DIS3L2: variants seen among roughly 807,000 people sequenced by gnomAD.
DIS3L2 encodes DIS3 like 3'-5' exoribonuclease 2.
Under a neutral mutation model 97.5 loss-of-function variants are expected in DIS3L2, and 34 were observed. The ratio of observed to expected loss-of-function variants is 0.35; its 90% CI spans 0.27 to 0.46. The LOEUF is 0.46. Among genes scored for constraint, DIS3L2 ranks in the 20% least tolerant of loss-of-function variants. The pLI is 1.00. For missense variants in DIS3L2, 1,038 were observed against 1,146.0 expected (o/e 0.91, Z 1.36); for synonymous variants, 435 against 445.2 (o/e 0.98, Z 0.29).
chr2:232,166,072 C>CAATAAATAAATAAATAAATA (rs111484613), intron 9 of DIS3L2, among the ~76,000 whole-genome samples: 10 of 138,136 alleles, frequency 7.2e-5, no homozygotes, highest in East Asian at 6.5e-4. Flanking sequence ...CCTGTCTCTA[C>CAATAAATAAATAAATAAATA]AATAAATAAA....
At chr2:231,997,007 A>G (rs185421532) in intron 1 of DIS3L2, among the ~76,000 whole-genome samples, 1 of 152,166 alleles carries the variant, frequency 6.6e-6, no homozygotes, top group East Asian at 1.9e-4. Context: ...GCTCTGTGTC[A>G]CTGCCTGTGT....
At chr2:232,054,462 C>G (rs778104904) in intron 5 of DIS3L2, among the ~76,000 whole-genome samples, 14 of 152,090 alleles carry the variant, frequency 9.2e-5, no homozygotes, top group Non-Finnish European at 1.6e-4. Context: ...TGATTTTTAC[C>G]TTTTTCTAAT....
chr2:232,009,166 T>C lies in DIS3L2; in HGVS notation c.-93-5669T>C, dbSNP rs1469741083. On this transcript the variant is annotated intron_variant, in intron 1 of 20. Coordinates refer to ENST00000325385, the MANE Select transcript of DIS3L2 (RefSeq NM_152383.5). ...TCTAGTTCTTTGAACATATTTATAA[T>C]AGCTGCTTTGAAGTCCTATTGTCTA... 2.6e-5 allele frequency among the ~76,000 whole-genome samples: 4 copies of C among 152,328 alleles called. No individual in the cohort carries two copies. The South Asian group carries it at 8.3e-4, about 32-fold the overall frequency.
intron 8 of DIS3L2, among the ~76,000 whole-genome samples, chr2:232,148,340 C>A (rs547689004): frequency 6.6e-6 from 1 of 152,238 alleles, no homozygotes; most frequent in Middle Eastern, 3.4e-3. Flanking sequence ...AGCCACCGCA[C>A]CCGGCCAAGA....
intron 9 of DIS3L2, among the ~76,000 whole-genome samples, chr2:232,166,670 C>A (rs1297022907): frequency 2.6e-5 from 4 of 151,986 alleles, no homozygotes. Flanking sequence ...GAGCCAAGAT[C>A]GCACCACTGC....
At chr2:232,056,366 A>AAACAACAAC (rs147366104) in intron 5 of DIS3L2, among the ~76,000 whole-genome samples, 2 of 149,152 alleles carry the variant, frequency 1.3e-5, no homozygotes, top group African/African-American at 4.9e-5. Flanking sequence ...CTCCATCTCA[A>AAACAACAAC]AACAACAACA....
intron 1 of DIS3L2, among the ~76,000 whole-genome samples, chr2:231,993,851 A>C (rs954098789): frequency 2.0e-5 from 3 of 151,222 alleles, no homozygotes; most frequent in African/African-American, 4.9e-5. Context: ...GTTGTCATTC[A>C]TCTATGTCAA....
At chr2:232,042,542 A>G (rs1559566081) in intron 5 of DIS3L2, among the ~76,000 whole-genome samples, 1 of 152,188 alleles carries the variant, frequency 6.6e-6, no homozygotes, top group East Asian at 1.9e-4. Flanking sequence ...GGTAAGGTAT[A>G]TCCACTAACA....
rs888299546 is a variant in DIS3L2 at position 232,273,151 on chromosome 2, A to G, written c.1659+9711A>G. ...AAGTTCACATTTGTTTTTCCTAGGC[A>G]GGGCCAGCCCATCCACCCCTCCTTC... On this transcript the variant is annotated intron_variant, in intron 13 of 20. Transcript: ENST00000325385. Among the ~76,000 whole-genome samples, 5 of 152,158 alleles carry G rather than the reference A, an allele frequency of 3.3e-5. No homozygotes were observed. The South Asian group carries it at 1.0e-3, about 31-fold the overall frequency.
At chr2:232,015,792 C>T in intron 3 of DIS3L2, 121 bp downstream of exon 3, 1 of 1,151,804 alleles carries the variant, frequency 8.7e-7, no homozygotes, top group East Asian at 2.4e-5. Context: ...AGGTGCAGGG[C>T]TGTTATGATG....
Position 232,022,304 on chromosome 2 carries a change from G to C in DIS3L2, c.211-1973G>C, listed in dbSNP as rs746410901. Among the ~76,000 whole-genome samples the C allele has an allele frequency of 7.4e-4, 112 of 152,242 alleles. 1 individual carries two copies. Among genetic ancestry groups the C allele is most frequent in the Non-Finnish European group, 1.2e-3 (85 of 68,022 alleles). ...ATTTGCAAATGCTGTTGTGGAACCA[G>C]GTTTCTATTCTTCCTTGTGTGCTTT... On this transcript the variant is annotated intron_variant, in intron 3 of 20. Transcript: ENST00000325385.
intron 12 of DIS3L2, among the ~76,000 whole-genome samples, chr2:232,257,017 C>A (rs752746983): frequency 3.3e-5 from 5 of 152,152 alleles, no homozygotes; most frequent in Admixed American, 6.5e-5. Context: ...ACTTGGGAGG[C>A]TGAGGCAGGA....
chr2:232,064,547 A>G (rs1167182893), intron 5 of DIS3L2, among the ~76,000 whole-genome samples: 4 of 152,200 alleles, frequency 2.6e-5, no homozygotes, highest in Admixed American at 6.5e-5. Flanking sequence ...CTCTTGGTTA[A>G]GTAGGTACCT....
chr2:232,001,670 TC>T, intron 1 of DIS3L2, among the ~76,000 whole-genome samples: 1 of 150,528 alleles, frequency 6.6e-6, no homozygotes, highest in African/African-American at 2.4e-5. Context: ...CCATGTTTTT[TC>T]CCAGTGGTTT....
chr2:232,171,050 A>G (rs1690971758), intron 9 of DIS3L2, among the ~76,000 whole-genome samples: 1 of 152,208 alleles, frequency 6.6e-6, no homozygotes, highest in Admixed American at 6.5e-5. Context: ...GTGTGGTAGC[A>G]TTGAAGGAGC....
At chr2:232,255,822 T>G (rs1200048606) in intron 12 of DIS3L2, among the ~76,000 whole-genome samples, 1 of 152,194 alleles carries the variant, frequency 6.6e-6, no homozygotes, top group East Asian at 1.9e-4. Flanking sequence ...AGCCATTTAC[T>G]TAGGTCAAAA....
intron 14 of DIS3L2, among the ~76,000 whole-genome samples, chr2:232,308,071 A>T (rs1695032276): frequency 6.6e-6 from 1 of 152,236 alleles, no homozygotes; most frequent in South Asian, 2.1e-4. Context: ...ACCCCAGGTC[A>T]GATGGGCAGC....
intron 6 of DIS3L2, among the ~76,000 whole-genome samples, chr2:232,099,160 C>T (rs1697121955): frequency 6.6e-6 from 1 of 151,256 alleles, no homozygotes; most frequent in African/African-American, 2.4e-5. Flanking sequence ...CCTGATATGT[C>T]ATTATTTTAA....
intron 9 of DIS3L2, among the ~76,000 whole-genome samples, chr2:232,164,775 TAAC>T (rs1559693890): frequency 1.3e-5 from 2 of 152,198 alleles, no homozygotes. Flanking sequence ...ATTTTCATAA[TAAC>T]CCCTCTATCA....
Sources: gnomAD v4.1 joint callset for allele counts (sites outside exome capture counted in the v4.1 genomes callset) on GRCh38, gnomAD v4.1.1 for gene constraint, MANE v1.5 for transcripts, NCBI Gene and HGNC (gene_info 2026-07-23, HGNC 2026-07-21) for gene names.